The following CDK12 variants were observed in gnomAD, a reference collection of about 807,000 sequenced individuals.
CDK12 encodes cyclin dependent kinase 12.
In CDK12, 17 loss-of-function variants were observed where a neutral mutation model predicts 133.8. That is an observed-to-expected ratio of 0.13 (90% CI 0.09 to 0.19). CDK12 has a LOEUF of 0.19. Among genes scored for constraint, CDK12 ranks in the 10% least tolerant of loss-of-function variants. The probability of loss-of-function intolerance (pLI) is 1.00; values close to 1 mark genes in which losing one functional copy is unlikely to be tolerated. For missense variants in CDK12, 1,508 were observed against 1,818.7 expected, an observed-to-expected ratio of 0.83 and a Z score of 3.11; for synonymous variants, 694 against 683.6, an observed-to-expected ratio of 1.02 and a Z score of -0.24.
At chr17:39,504,118 T>G (rs757068483) in intron 6 of CDK12, among the ~76,000 whole-genome samples, 2 of 152,170 alleles carry the variant, frequency 1.3e-5, no homozygotes, top group Admixed American at 6.5e-5. Context: ...ACTCACAGGT[T>G]TCTGACTTGA....
Position 39,499,819 on chromosome 17 carries a change from T to C in CDK12, c.2420-1431T>C, listed in dbSNP as rs541641709. Reference sequence around the variant, plus strand: ...ATGAGCCACCATGCCTGACCAGTACTATGAATTTCACTAATAATTTATAAC... The same window carrying C: ...ATGAGCCACCATGCCTGACCAGTACCATGAATTTCACTAATAATTTATAAC... On this transcript the variant is annotated intron_variant, in intron 5 of 13. Transcript: ENST00000447079. Among the ~76,000 whole-genome samples the C allele has an allele frequency of 5.8e-4, 89 of 152,186 alleles. 1 individual carries two copies. The highest frequency in any genetic ancestry group is 1.8e-3 in the Admixed American group (28 of 15,250).
chr17:39,546,895 G>A (rs1188944461), upstream of CDK12: 4 of 152,140 alleles, frequency 2.6e-5, no homozygotes, highest in African/African-American at 9.7e-5. Flanking sequence ...GTAACTTCCA[G>A]CCCGAATCTG....
intron 3 of CDK12, among the ~76,000 whole-genome samples, chr17:39,563,463 GC>G (rs59758254): frequency 0.036 from 1,147 of 31,822 alleles, 21 homozygotes; most frequent in African/African-American, 0.1. Flanking sequence ...CTTGCTTCCC[GC>G]CCCCCCCCCG....
chr17:39,541,508 G>A (rs536820461), intron 1 of CDK12, among the ~76,000 whole-genome samples: 109 of 152,062 alleles, frequency 7.2e-4, no homozygotes, highest in Non-Finnish European at 1.3e-3. Flanking sequence ...GGGACTACAG[G>A]CACCCGCCAC....
rs2146712119 is a variant in CDK12, at chr17:39,525,844, G to C, written c.3308-20G>C. 2 of 1,601,394 alleles carry C rather than the reference G, an allele frequency of 1.2e-6. No homozygotes were observed. The highest frequency in any genetic ancestry group is 3.3e-4 in the Middle Eastern group (2 of 6,010). On this transcript the variant is annotated intron_variant, in intron 12 of 13. Transcript: ENST00000447079. Reference sequence around the variant, plus strand: ...TGGCCTATCTCATCGTCTTATATTGGCTTCACTGTCTTTCAACAGGCCTTG... The same window carrying C: ...TGGCCTATCTCATCGTCTTATATTGCCTTCACTGTCTTTCAACAGGCCTTG...
intron 11 of CDK12, among the ~76,000 whole-genome samples, chr17:39,523,081 T>C (rs1598164572): frequency 6.6e-6 from 1 of 152,198 alleles, no homozygotes; most frequent in Non-Finnish European, 1.5e-5. Context: ...AAAAGAAATA[T>C]GATCTTTTAA....
chr17:39,484,074 C>A (rs547591893), intron 2 of CDK12, among the ~76,000 whole-genome samples: 1 of 152,182 alleles, frequency 6.6e-6, no homozygotes, highest in African/African-American at 2.4e-5. Flanking sequence ...AAACTCCTGG[C>A]CTTAAGTGAT....
intron 3 of CDK12, among the ~76,000 whole-genome samples, chr17:39,492,091 TTTC>T (rs1476186643): frequency 6.7e-6 from 1 of 150,064 alleles, no homozygotes; most frequent in Non-Finnish European, 1.5e-5. Flanking sequence ...TCGATTTCAT[TTTC>T]TTTTCTTTTT....
Position 39,471,597 on chromosome 17 carries a change from C to T in CDK12, c.1765C>T (p.His589Tyr). Residue 589 changes from histidine (H) to tyrosine (Y), a missense_variant, in exon 2 of 14, where the codon CAC (histidine) becomes TAC (tyrosine). Physicochemically the swap from His to Tyr is moderately conservative, Grantham distance 83 (BLOSUM62 2). Coordinates refer to ENST00000447079, the MANE Select transcript of CDK12 (RefSeq NM_016507.4). ...SSTSTLPPST[H>Y]SKTSAVSSQA... ...TACTTCAACTTTGCCCCCTTCTACT[C>T]ACTCAAAGACATCTGCTGTGTCCTC... 1.2e-6 allele frequency: 2 copies of T among 1,614,160 alleles called. No individual in the cohort carries two copies. Among genetic ancestry groups the T allele is most frequent in the South Asian group, 1.1e-5 (1 of 91,078 alleles).
In CDK12 at chr17:39,486,275, T is replaced by TC. The variant is rs1555558742; in HGVS notation, c.1932-4281dup. 4.9e-3 allele frequency among the ~76,000 whole-genome samples: 509 copies of TC among 102,966 alleles called. 3 individuals are homozygous for TC. The highest frequency in any genetic ancestry group is 0.016 in the African/African-American group (477 of 30,020). 67.5% of individuals were successfully genotyped at this position (102,966 alleles called of 152,430 possible). A position where few individuals can be genotyped will look rare whatever the true frequency, so the allele number is the denominator to read the frequency against. On this transcript the variant is annotated intron_variant, in intron 2 of 13. Transcript: ENST00000447079. ...CCTCTTTTTTTTTTTTTTTTTTTTT[T>TC]CTGTGAAACAGAATCTTGCTCTGTC...
At chr17:39,495,013 C>T (rs1159371495) in intron 5 of CDK12, among the ~76,000 whole-genome samples, 3 of 151,980 alleles carry the variant, frequency 2.0e-5, no homozygotes, top group Non-Finnish European at 4.4e-5. Context: ...CCTCGTGATC[C>T]GCCCGCCTGG....
rs540964669 is a variant in CDK12 at position 39,555,264 on chromosome 17, T to A, written n.357-1022T>A. On this transcript the variant is annotated intron_variant and non_coding_transcript_variant, in intron 2 of 3. Coordinates refer to the CDK12 transcript ENST00000558240. ...CGAGACTCTGTCTCAAAAAATAAATTAATTAATTAATTAAAAAATAAACAT... is the reference window on the plus strand; with the variant it reads ...CGAGACTCTGTCTCAAAAAATAAATAAATTAATTAATTAAAAAATAAACAT... Among the ~76,000 whole-genome samples, 621 of 152,134 alleles carry A rather than the reference T, an allele frequency of 4.1e-3. 4 individuals carry two copies. Among genetic ancestry groups the A allele is most frequent in the African/African-American group, 0.011 (461 of 41,494 alleles).
At position 39,471,281 on chromosome 17, in the gene CDK12, G is replaced by T. The variant is rs1406729472; in HGVS notation, c.1449G>T (p.Leu483Phe). The T allele has an allele frequency of 1.9e-6, 3 of 1,613,184 alleles. No homozygotes were observed. Among genetic ancestry groups the T allele is most frequent in the Non-Finnish European group, 2.5e-6 (3 of 1,179,736 alleles). ...KNSSDTGKVKLDENSEKHLVK... is the reference protein window; with the variant it reads ...KNSSDTGKVKFDENSEKHLVK... ...CTTCAGATACAGGGAAAGTAAAGTT[G>T]GATGAGAACTCCGAGAAGCATCTTG... is the stretch of plus-strand genomic sequence containing the variant. Residue 483 changes from leucine (L) to phenylalanine (F), a missense_variant, in exon 2 of 14, where the codon TTG becomes TTT. Leu to Phe is a conservative substitution (Grantham distance 22). Transcript: ENST00000447079.
chr17:39,538,901 A>ATAAG (rs2055270467), downstream of CDK12, among the ~76,000 whole-genome samples: 6 of 145,146 alleles, frequency 4.1e-5, no homozygotes, highest in South Asian at 1.3e-3. Context: ...TCCATCTCAA[A>ATAAG]TAAATACATA....
chr17:39,463,053 G>A lies in CDK12; in HGVS notation c.982G>A (p.Gly328Ser). 1 of 1,614,156 alleles carries A rather than the reference G, an allele frequency of 6.2e-7. No homozygotes were observed. Among genetic ancestry groups the A allele is most frequent in the Non-Finnish European group, 8.5e-7 (1 of 1,180,022 alleles). Residue 328 changes from glycine to serine, a missense_variant, in exon 1 of 14, where the codon GGT becomes AGT. By Grantham distance (56) the Gly-to-Ser change is moderately conservative. This residue lies in a region of CDK12 where 460 missense variants were observed against 490.8 expected (regional missense o/e 0.94). Transcript: ENST00000447079. ...SYSGRSPSPYGRRRSSSPFLS... is the reference protein window; with the variant it reads ...SYSGRSPSPYSRRRSSSPFLS... ...CAGCGGGCGATCGCCCAGTCCCTAT[G>A]GTCGAAGGCGGTCCAGCAGCCCTTT...
chr17:39,501,490 T>C (rs2146149628), intron 6 of CDK12, 51 bp downstream of exon 6: 1 of 1,278,434 alleles, frequency 7.8e-7, no homozygotes, highest in Non-Finnish European at 1.1e-6. Context: ...TCCTCTGACC[T>C]TTTTAGTTTC....
chr17:39,558,358 C>G (rs1425476251), intron 3 of CDK12, among the ~76,000 whole-genome samples: 8 of 152,206 alleles, frequency 5.3e-5, no homozygotes, highest in Admixed American at 2.0e-4. Flanking sequence ...ATAGCAGCAA[C>G]TAGCATTTGC....
At chr17:39,567,347 C>G (rs2056603094), downstream of CDK12, 1 of 152,190 alleles carries the variant, frequency 6.6e-6, no homozygotes, top group Non-Finnish European at 1.5e-5. Flanking sequence ...ATATATCATT[C>G]CTTCAGAGCA....
At position 39,533,457 on chromosome 17, in the gene CDK12, C is replaced by T. The variant is rs182651967; in HGVS notation, c.*2141C>T. On this transcript the variant is annotated 3_prime_UTR_variant, in exon 14 of 14. Transcript: ENST00000447079. Reference sequence around the variant, plus strand: ...CCACTCCCTGTTTTTTATTAAAGAACGTGAGCCTGGGATACTTTCAGAAGT... The same window carrying T: ...CCACTCCCTGTTTTTTATTAAAGAATGTGAGCCTGGGATACTTTCAGAAGT... 1.3e-5 allele frequency: 3 copies of T among 232,820 alleles called. No individual in the cohort carries two copies. The highest frequency in any genetic ancestry group is 4.4e-5 in the African/African-American group (2 of 45,250). 14.4% of individuals were successfully genotyped at this position (232,820 alleles called of 1,614,324 possible).
Sources: allele counts gnomAD v4.1 joint callset (sites outside exome capture counted in the v4.1 genomes callset), GRCh38; gene constraint gnomAD v4.1.1; regional missense constraint gnomAD v4.1.1; transcripts MANE v1.5; gene names NCBI Gene and HGNC (gene_info 2026-07-23, HGNC 2026-07-21).